Variants in THBS4 observed in about 807,000 individuals in gnomAD.
The protein encoded by THBS4 is thrombospondin-4.
Under a neutral mutation model 115.7 loss-of-function variants are expected in THBS4, and 90 were observed. The ratio of observed to expected loss-of-function variants is 0.78; its 90% confidence interval spans 0.66 to 0.93. The LOEUF (loss-of-function observed/expected upper bound fraction) is 0.93. Ranked by LOEUF, THBS4 falls within the 40% of genes least tolerant of loss-of-function variation. The pLI, the probability that THBS4 is intolerant of heterozygous loss-of-function variation, is 0.00. For synonymous variants in THBS4, 460 were observed against 479.3 expected, an observed-to-expected ratio of 0.96 and a Z score of 0.53; for missense variants, 1,087 against 1,232.7, an observed-to-expected ratio of 0.88 and a Z score of 1.77.
rs1218044272 is a variant in THBS4, at chr5:80,070,973, G to T, written c.1561-48G>T. ...CTGATGCTTCACAACAATGGAGGAAGTGGATTTAGTAAAAGTCTGAGTGAT... is the reference window on the plus strand; with the variant it reads ...CTGATGCTTCACAACAATGGAGGAATTGGATTTAGTAAAAGTCTGAGTGAT... On this transcript the variant is annotated intron_variant, in intron 12 of 21. Coordinates refer to ENST00000350881, the MANE Select transcript of THBS4 (RefSeq NM_003248.6). 7 of 1,603,958 alleles carry T rather than the reference G, an allele frequency of 4.4e-6. No homozygotes were observed. The African/African-American group carries it at 9.4e-5, about 22-fold the overall frequency.
upstream of THBS4, among the ~76,000 whole-genome samples, chr5:80,031,614 G>T (rs143154406): frequency 2.2e-4 from 34 of 152,290 alleles, no homozygotes; most frequent in African/African-American, 7.0e-4. Context: ...CTTTGCCAGG[G>T]GTGGGCTATA....
At chr5:79,997,568 G>C (rs997597570) in intron 1 of THBS4, among the ~76,000 whole-genome samples, 1 of 139,564 alleles carries the variant, frequency 7.2e-6, no homozygotes, top group East Asian at 2.1e-4. Flanking sequence ...TATAACATAA[G>C]CTATAGTTAT....
At chr5:80,008,733 C>T (rs1306029474) in intron 2 of THBS4, among the ~76,000 whole-genome samples, 1 of 152,138 alleles carries the variant, frequency 6.6e-6, no homozygotes, top group Non-Finnish European at 1.5e-5. Flanking sequence ...CTTAACAGCA[C>T]CCCTCGCCTC....
At chr5:80,081,421 A>G (rs1040440119) in intron 20 of THBS4, among the ~76,000 whole-genome samples, 2 of 152,200 alleles carry the variant, frequency 1.3e-5, no homozygotes, top group Non-Finnish European at 1.5e-5. Flanking sequence ...AGCCCTAACA[A>G]TATCATAGAG....
intron 10 of THBS4, 46 bp from the exon 11 acceptor site, chr5:80,070,260 T>TGCCAGGCTCAGCTTCCC: frequency 6.6e-7 from 1 of 1,505,162 alleles, no homozygotes; most frequent in Non-Finnish European, 8.9e-7. Context: ...ACCAGCTTCC[T>TGCCAGGCTCAGCTTCCC]GCCAGGCTCA....
chr5:80,045,709 T>G (rs1246606466), intron 2 of THBS4, among the ~76,000 whole-genome samples: 1 of 152,028 alleles, frequency 6.6e-6, no homozygotes, highest in Non-Finnish European at 1.5e-5. Context: ...TTTTGTATTT[T>G]TAGTAGAGAC....
rs553886206 is a variant in THBS4 at position 80,023,733 on chromosome 5, C to T, written n.178-16344C>T. Among the ~76,000 whole-genome samples, 3 of 152,030 alleles carry T rather than the reference C, an allele frequency of 2.0e-5. No homozygotes were observed. In the East Asian group the frequency reaches 5.8e-4, roughly 29 times the overall value. On this transcript the variant is annotated intron_variant and non_coding_transcript_variant, in intron 2 of 3. Transcript: ENST00000510218. ...TGAAAAGTTCAAGTTTGGGCATCCA[C>T]ACACATGTGGTGATGGCCTGAAGCT...
At chr5:80,041,486 A>G (rs1158056029) in intron 2 of THBS4, among the ~76,000 whole-genome samples, 5 of 152,164 alleles carry the variant, frequency 3.3e-5, no homozygotes, top group African/African-American at 1.2e-4. Flanking sequence ...CAGTAGACCT[A>G]GCTCCTAACT....
At chr5:80,027,097 C>A (rs1481766007) in intron 2 of THBS4, among the ~76,000 whole-genome samples, 1 of 152,116 alleles carries the variant, frequency 6.6e-6, no homozygotes, top group Non-Finnish European at 1.5e-5. Context: ...ATAATCCATT[C>A]CCTTCTCCTT....
At chr5:80,083,046 C>A in intron 21 of THBS4, 34 bp from the exon 22 acceptor site, 1 of 1,601,346 alleles carries the variant, frequency 6.2e-7, no homozygotes, top group Non-Finnish European at 8.6e-7. Context: ...TGGAAGGAGC[C>A]TCGCTAACCT....
chr5:80,074,624 CTCTTT>C (rs567788245), intron 15 of THBS4, among the ~76,000 whole-genome samples: 304 of 148,022 alleles, frequency 2.1e-3, no homozygotes, highest in Non-Finnish European at 3.6e-3. Flanking sequence ...AGCTCTCTCT[CTCTTT>C]TTTTTTTTTT....
At chr5:80,072,881 C>T (rs945773803) in intron 14 of THBS4, among the ~76,000 whole-genome samples, 2 of 152,138 alleles carry the variant, frequency 1.3e-5, no homozygotes, top group Non-Finnish European at 2.9e-5. Flanking sequence ...CATGGTTGCC[C>T]TCTGTGACTC....
Position 80,070,755 on chromosome 5 carries a change from C to G in THBS4, c.1560+5C>G. 1 of 1,613,980 alleles carries G rather than the reference C, an allele frequency of 6.2e-7. No individual in the cohort carries two copies. Among genetic ancestry groups the G allele is most frequent in the African/African-American group, 1.3e-5 (1 of 75,020 alleles). On this transcript the variant is annotated splice_donor_5th_base_variant and intron_variant, in intron 12 of 21. Coordinates refer to ENST00000350881, the MANE Select transcript of THBS4 (RefSeq NM_003248.6). ...GATGGGATCCTGAATGAGCAGGTAC[C>G]TGCTTCGCTGGGAGGGCCTGTGAAT...
Position 80,040,148 on chromosome 5 carries a change from G to T in THBS4, c.160G>T (p.Ala54Ser). 1.9e-6 allele frequency: 3 copies of T among 1,613,978 alleles called. No individual in the cohort carries two copies. Among genetic ancestry groups the T allele is most frequent in the Non-Finnish European group, 2.5e-6 (3 of 1,180,030 alleles). The change falls in exon 2 of 22, where the codon GCC becomes TCC. Residue 54 changes from alanine (A) to serine (S), a missense_variant. Transcript: ENST00000350881. ...TCTGCTGCCAGTCCTGACAGACCCC[G>T]CCCTGAATGATCTCTATGTGATTTC... Reference protein sequence around the residue: ...GALLPVLTDPALNDLYVISTF... With the variant: ...GALLPVLTDPSLNDLYVISTF...
At chr5:80,029,967 C>A (rs1177035415) in intron 2 of THBS4, among the ~76,000 whole-genome samples, 2 of 149,876 alleles carry the variant, frequency 1.3e-5, no homozygotes, top group Admixed American at 6.6e-5. Flanking sequence ...GACTCCATCT[C>A]AAAAAAAAAT....
intron 2 of THBS4, among the ~76,000 whole-genome samples, chr5:80,003,788 A>G (rs1352855462): frequency 6.6e-6 from 1 of 152,236 alleles, no homozygotes; most frequent in East Asian, 1.9e-4. Flanking sequence ...TATAATTTAC[A>G]TGCAAGTTGT....
Position 80,070,638 on chromosome 5 carries a change from C to T in THBS4, c.1453-5C>T. ...TGTCACTCGGAACTGCATTTTCCCC[C>T]TAAGGACAACTGCAAATATGTGCCA... On this transcript the variant is annotated splice_polypyrimidine_tract_variant and splice_region_variant and intron_variant, in intron 11 of 21. Coordinates refer to ENST00000350881, the MANE Select transcript of THBS4 (RefSeq NM_003248.6). The T allele has an allele frequency of 6.2e-7, 1 of 1,613,342 alleles. No homozygotes were observed. Among genetic ancestry groups the T allele is most frequent in the African/African-American group, 1.3e-5 (1 of 75,042 alleles).
intron 9 of THBS4, chr5:80,067,681 A>G (rs1184949632): frequency 7.5e-6 from 2 of 265,716 alleles, no homozygotes; most frequent in Non-Finnish European, 7.2e-6. Flanking sequence ...CCTGTCCCCT[A>G]TGCCCTCCAC....
At chr5:80,059,670 T>C in intron 6 of THBS4, 33 bp from the exon 7 acceptor site, 1 of 1,609,274 alleles carries the variant, frequency 6.2e-7, no homozygotes, top group South Asian at 1.1e-5. Flanking sequence ...TTCCTGGCGG[T>C]GAATACGCCT....
Sources: gnomAD v4.1 joint callset for allele counts (sites outside exome capture counted in the v4.1 genomes callset) on GRCh38, gnomAD v4.1.1 for gene constraint, MANE v1.5 for transcripts, NCBI Gene and HGNC (gene_info 2026-07-23, HGNC 2026-07-21) for gene names.